INTS6: variants seen among roughly 807,000 people sequenced by gnomAD.
The protein encoded by INTS6 is DEAD box protein.
INTS6 carries 16 observed loss-of-function variants against 104.9 expected under a neutral mutation model. The observed-to-expected ratio is 0.15, with a 90% CI of 0.10 to 0.23. The LOEUF is 0.23. INTS6 is among the 10% of genes least tolerant of loss of function. The pLI is 1.00. For missense variants in INTS6, 584 were observed against 1,062.8 expected, an observed-to-expected ratio of 0.55 and a Z score of 6.26; for synonymous variants, 324 against 358.7, an observed-to-expected ratio of 0.90 and a Z score of 1.09.
At chr13:51,350,228 T>C (rs745649673), downstream of INTS6, among the ~76,000 whole-genome samples, 1 of 152,172 alleles carries the variant, frequency 6.6e-6, no homozygotes, top group East Asian at 1.9e-4. Context: ...AGTGCACTAG[T>C]AGATTCTGGA....
the INTS6 span, among the ~76,000 whole-genome samples, chr13:51,342,715 C>T: frequency 6.6e-6 from 1 of 152,132 alleles, no homozygotes; most frequent in Non-Finnish European, 1.5e-5. Context: ...GACCATTCCT[C>T]AGGTCACACC....
chr13:51,417,539 C>A (rs922274158), intron 4 of INTS6, among the ~76,000 whole-genome samples: 1 of 150,410 alleles, frequency 6.6e-6, no homozygotes, highest in African/African-American at 2.4e-5. Flanking sequence ...CCTGCAACCT[C>A]CACCGCCCAG....
chr13:51,337,456 C>A, the INTS6 span, among the ~76,000 whole-genome samples: 2 of 152,192 alleles, frequency 1.3e-5, no homozygotes, highest in Non-Finnish European at 2.9e-5. Flanking sequence ...GCAAAGTGAA[C>A]ACGCATTACG....
chr13:51,349,769 C>T (rs374815404), downstream of INTS6, among the ~76,000 whole-genome samples: 10 of 152,168 alleles, frequency 6.6e-5, no homozygotes, highest in African/African-American at 2.4e-4. Flanking sequence ...CAAGGCAAGG[C>T]AGAAATCTTA....
chr13:51,424,497 C>T (rs978392245), intron 4 of INTS6, among the ~76,000 whole-genome samples: 1 of 151,904 alleles, frequency 6.6e-6, no homozygotes, highest in African/African-American at 2.4e-5. Context: ...TTTTAAACTA[C>T]TAATAATTGC....
At chr13:51,359,844 G>A (rs1955536185), downstream of INTS6, among the ~76,000 whole-genome samples, 1 of 152,028 alleles carries the variant, frequency 6.6e-6, no homozygotes, top group South Asian at 2.1e-4. Flanking sequence ...GCTAGTAAGA[G>A]GGGCTAATTA....
chr13:51,393,523 A>G (rs933868373), intron 5 of INTS6, among the ~76,000 whole-genome samples: 2 of 152,218 alleles, frequency 1.3e-5, no homozygotes, highest in East Asian at 3.8e-4. Flanking sequence ...TTTAAATTAA[A>G]AAAGAAAGGA....
chr13:51,391,338 CAT>C (rs1956243506), intron 5 of INTS6, among the ~76,000 whole-genome samples: 1 of 152,090 alleles, frequency 6.6e-6, no homozygotes, highest in Non-Finnish European at 1.5e-5. Flanking sequence ...ATTAAGAAAA[CAT>C]AAGCAAATCA....
chr13:51,430,220 T>C, intron 4 of INTS6, 74 bp downstream of exon 4: 2 of 1,199,854 alleles, frequency 1.7e-6, no homozygotes, highest in South Asian at 1.2e-5. Context: ...CTATTAAAGG[T>C]GTTCAGTATC....
the INTS6 span, among the ~76,000 whole-genome samples, chr13:51,343,151 C>A: frequency 4.3e-4 from 65 of 152,278 alleles, 1 homozygote; most frequent in African/African-American, 1.5e-3. Context: ...AGGGGACAGA[C>A]CCCAAGTGAG....
At chr13:51,420,942 A>G (rs1217678339) in intron 4 of INTS6, among the ~76,000 whole-genome samples, 1 of 152,164 alleles carries the variant, frequency 6.6e-6, no homozygotes, top group Non-Finnish European at 1.5e-5. Context: ...AGGTGGTTCT[A>G]CTAACTCAAA....
chr13:51,388,962 T>C (rs1306581887), intron 6 of INTS6, among the ~76,000 whole-genome samples: 3 of 152,216 alleles, frequency 2.0e-5, no homozygotes, highest in African/African-American at 2.4e-5. Context: ...GAGTTAAACA[T>C]CTAGGACTGA....
At chr13:51,449,951 G>A in intron 3 of INTS6, 1 of 985,308 alleles carries the variant, frequency 1.0e-6, no homozygotes, top group Non-Finnish European at 1.2e-6. Context: ...ACTAAATTCA[G>A]TTATTTCCAA....
chr13:51,373,641 A>T (rs146041469), intron 15 of INTS6, among the ~76,000 whole-genome samples: 69 of 152,358 alleles, frequency 4.5e-4, no homozygotes, highest in Admixed American at 8.5e-4. Flanking sequence ...CAGCATAAGC[A>T]AACGGCACAG....
At chr13:51,388,194 T>A (rs529785226) in intron 6 of INTS6, among the ~76,000 whole-genome samples, 55 of 152,220 alleles carry the variant, frequency 3.6e-4, no homozygotes, top group African/African-American at 1.2e-3. Context: ...TTTGGTTTCG[T>A]TAAAGCAGAC....
At chr13:51,417,864 A>T (rs1956820928) in intron 4 of INTS6, among the ~76,000 whole-genome samples, 1 of 152,172 alleles carries the variant, frequency 6.6e-6, no homozygotes. Flanking sequence ...TCACTGACCT[A>T]TATGACTGTC....
At chr13:51,393,861 C>T (rs1208660765) in intron 5 of INTS6, among the ~76,000 whole-genome samples, 1 of 152,168 alleles carries the variant, frequency 6.6e-6, no homozygotes, top group African/African-American at 2.4e-5. Flanking sequence ...TGACTTCACA[C>T]TCTGAATATT....
intron 6 of INTS6, among the ~76,000 whole-genome samples, chr13:51,387,826 G>A (rs1384399337): frequency 6.6e-6 from 1 of 152,010 alleles, no homozygotes; most frequent in Non-Finnish European, 1.5e-5. Context: ...CATACTTTAC[G>A]GTGAATATCT....
intron 4 of INTS6, among the ~76,000 whole-genome samples, chr13:51,413,036 G>T (rs187872243): frequency 6.6e-6 from 1 of 152,176 alleles, no homozygotes; most frequent in South Asian, 2.1e-4. Context: ...AACAGCAACT[G>T]TGTGACTATT....
Sources: allele counts gnomAD v4.1 joint callset (sites outside exome capture counted in the v4.1 genomes callset), GRCh38; gene constraint gnomAD v4.1.1; transcripts MANE v1.5; gene names NCBI Gene and HGNC (gene_info 2026-07-23, HGNC 2026-07-21).